The following COL22A1 variants were observed in gnomAD, a reference collection of about 807,000 sequenced individuals.
COL22A1 encodes collagen alpha-1(XXII) chain.
COL22A1 carries 221 observed loss-of-function variants against 248.9 expected under a neutral mutation model. The observed-to-expected ratio is 0.89, with a 90% CI of 0.80 to 0.99. COL22A1 has a LOEUF of 0.99. Ranked by LOEUF, COL22A1 falls within the 50% of genes least tolerant of loss-of-function variation. The pLI, the probability that COL22A1 is intolerant of heterozygous loss-of-function variation, is 0.00. For missense variants in COL22A1, 2,240 were observed against 2,179.0 expected (o/e 1.03, Z -0.56); for synonymous variants, 891 against 793.4 (o/e 1.12, Z -2.07).
chr8:138,594,359 CGAT>C (rs905369385), intron 62 of COL22A1, among the ~76,000 whole-genome samples, 160 bp from the exon 63 acceptor site: 4 of 151,530 alleles, frequency 2.6e-5, no homozygotes, highest in African/African-American at 9.7e-5. Context: ...ACCAAGGGGC[CGAT>C]AATAGCTGCA....
At chr8:138,847,733 G>T (rs1020832768) in intron 3 of COL22A1, among the ~76,000 whole-genome samples, 1 of 151,788 alleles carries the variant, frequency 6.6e-6, no homozygotes, top group Non-Finnish European at 1.5e-5. Context: ...ATGTTTGGGG[G>T]ACTGTCTAGG....
At chr8:138,716,997 AT>A in intron 27 of COL22A1, 128 bp from the exon 28 acceptor site, 3 of 747,864 alleles carry the variant, frequency 4.0e-6, no homozygotes, top group Non-Finnish European at 7.1e-6. Flanking sequence ...AATATACGGC[AT>A]GGTTAGAGGC....
At chr8:138,847,475 G>A (rs116288513) in intron 3 of COL22A1, among the ~76,000 whole-genome samples, 2,434 of 152,286 alleles carry the variant, frequency 0.016, 50 homozygotes, top group African/African-American at 0.045. Context: ...TTCAGCCCAT[G>A]GAGAAACACT....
In COL22A1 at chr8:138,841,826, A is replaced by T. The variant is rs575721949; in HGVS notation, c.733+2258T>A. 4.1e-3 allele frequency among the ~76,000 whole-genome samples: 619 copies of T among 152,314 alleles called. 2 individuals are homozygous for T. The highest frequency in any genetic ancestry group is 0.014 in the African/African-American group (590 of 41,568). ...TTTCTTTCAACTCTTCCAGCCACCA[A>T]GTAGATGCAATGACAGCAAAAGTGC... is the stretch of plus-strand genomic sequence containing the variant. On this transcript the variant is annotated intron_variant, in intron 4 of 64. Coordinates refer to ENST00000303045, the MANE Select transcript of COL22A1 (RefSeq NM_152888.3).
At chr8:138,783,141 A>C (rs1299719209) in intron 12 of COL22A1, among the ~76,000 whole-genome samples, 3 of 152,104 alleles carry the variant, frequency 2.0e-5, no homozygotes, top group African/African-American at 7.2e-5. Flanking sequence ...ATTCATGGAA[A>C]GGGCAGGCTG....
chr8:138,798,197 T>C (rs1043823825), intron 11 of COL22A1, among the ~76,000 whole-genome samples: 3 of 151,640 alleles, frequency 2.0e-5, no homozygotes, highest in African/African-American at 7.2e-5. Flanking sequence ...AGACAGGATA[T>C]AGTTTGATCT....
At position 138,886,317 on chromosome 8, in the gene COL22A1, C is replaced by T. The variant is rs953029844; in HGVS notation, c.-72-3073G>A. ...GGAGGGTCTTTGAAAGCAGTGACTGCGTCTTATTGGTTTCTGTAGTACTGG... is the reference window on the plus strand; with the variant it reads ...GGAGGGTCTTTGAAAGCAGTGACTGTGTCTTATTGGTTTCTGTAGTACTGG... On this transcript the variant is annotated intron_variant, in intron 1 of 64. Coordinates refer to ENST00000303045, the MANE Select transcript of COL22A1 (RefSeq NM_152888.3). 7.9e-5 allele frequency among the ~76,000 whole-genome samples: 12 copies of T among 152,190 alleles called. 1 individual carries two copies. The highest frequency in any genetic ancestry group is 1.7e-4 in the African/African-American group (7 of 41,526).
At chr8:138,634,934 T>C (rs1821022464) in intron 49 of COL22A1, 76 bp downstream of exon 49, 3 of 993,774 alleles carry the variant, frequency 3.0e-6, no homozygotes, top group Admixed American at 1.8e-5. Flanking sequence ...CTCAGTGTCA[T>C]ACCATGCCTG....
intron 1 of COL22A1, among the ~76,000 whole-genome samples, chr8:138,901,868 G>A (rs1040558316): frequency 2.6e-5 from 4 of 152,042 alleles, no homozygotes; most frequent in Non-Finnish European, 4.4e-5. Flanking sequence ...GTGAATGAAG[G>A]AGAAGACAAT....
At chr8:138,656,948 G>A (rs75422933) in intron 44 of COL22A1, among the ~76,000 whole-genome samples, 15,802 of 152,184 alleles carry the variant, frequency 0.1, 1,262 homozygotes, top group African/African-American at 0.22. Flanking sequence ...GACCCCATGG[G>A]CTTTCGGTGC....
At chr8:138,618,539 C>T (rs1819511754) in intron 53 of COL22A1, among the ~76,000 whole-genome samples, 1 of 152,144 alleles carries the variant, frequency 6.6e-6, no homozygotes, top group South Asian at 2.1e-4. Flanking sequence ...GGTCGTATTC[C>T]TCATTCTTGG....
chr8:138,775,879 C>T lies in COL22A1; in HGVS notation c.1803+87G>A, dbSNP rs946104738. The T allele has an allele frequency of 1.1e-4, 139 of 1,233,788 alleles. 1 individual carries two copies. The highest frequency in any genetic ancestry group is 1.0e-3 in the South Asian group (86 of 83,268). 76.4% of individuals were successfully genotyped at this position (1,233,788 alleles called of 1,614,324 possible). On this transcript the variant is annotated intron_variant, in intron 16 of 64. Transcript: ENST00000303045. ...ACACACAAATGTGTACACACACACA[C>T]GAGCATACACAGAGCAGATGGTTCC...
chr8:138,593,401 A>C (rs1370197906), intron 63 of COL22A1, among the ~76,000 whole-genome samples: 1 of 151,974 alleles, frequency 6.6e-6, no homozygotes, highest in African/African-American at 2.4e-5. Flanking sequence ...TTAAAAAAAA[A>C]CCTTTTGTTA....
chr8:138,701,782 G>A (rs536873942), intron 31 of COL22A1, among the ~76,000 whole-genome samples: 22 of 152,340 alleles, frequency 1.4e-4, no homozygotes, highest in East Asian at 1.9e-4. Context: ...AGAAACTGGC[G>A]TCCACATAGG....
At chr8:138,911,490 C>T (rs1408084400) in intron 1 of COL22A1, among the ~76,000 whole-genome samples, 3 of 152,226 alleles carry the variant, frequency 2.0e-5, no homozygotes, top group Non-Finnish European at 4.4e-5. Flanking sequence ...AAGCAAGCTC[C>T]CAGGTCTTCA....
At chr8:138,716,713 T>C (rs1829461311) in intron 28 of COL22A1, 112 bp downstream of exon 28, 1 of 784,332 alleles carries the variant, frequency 1.3e-6, no homozygotes, top group Non-Finnish European at 2.2e-6. Flanking sequence ...TATAGTGAGC[T>C]CCCAAAAACC....
rs183857433 is a variant in COL22A1 at position 138,826,524 on chromosome 8, C to T, written c.969+134G>A. The T allele has an allele frequency of 3.2e-4, 290 of 906,222 alleles. 1 individual carries two copies. The African/African-American group carries it at 4.6e-3, about 14-fold the overall frequency. 56.1% of individuals were successfully genotyped at this position (906,222 alleles called of 1,614,324 possible). The stretch of plus-strand genomic sequence containing the variant: ...TCCCCCCTGCAGGTCCTCTGAGCCT[C>T]CATACGCCAGGCTCTCTATCTCTCT... On this transcript the variant is annotated intron_variant, in intron 6 of 64. Transcript: ENST00000303045.
At chr8:138,668,841 G>A (rs890950676) in intron 41 of COL22A1, among the ~76,000 whole-genome samples, 1 of 152,360 alleles carries the variant, frequency 6.6e-6, no homozygotes, top group Middle Eastern at 3.4e-3. Context: ...GTTACGGGAT[G>A]CCTAGAGCTA....
At chr8:138,701,540 T>A (rs1291072342) in intron 31 of COL22A1, among the ~76,000 whole-genome samples, 2 of 152,256 alleles carry the variant, frequency 1.3e-5, no homozygotes, top group Non-Finnish European at 2.9e-5. Flanking sequence ...TTCCTATATA[T>A]TTCCACACAA....
Sources: allele counts gnomAD v4.1 joint callset (sites outside exome capture counted in the v4.1 genomes callset), GRCh38; gene constraint gnomAD v4.1.1; transcripts MANE v1.5; gene names NCBI Gene and HGNC (gene_info 2026-07-23, HGNC 2026-07-21).